Variants in SOX5 observed in about 807,000 individuals in gnomAD.
SOX5 encodes SRY-box transcription factor 5.
SOX5 carries 9 observed loss-of-function variants against 92.0 expected under a neutral mutation model. The observed-to-expected ratio is 0.10, with a 90% CI of 0.06 to 0.17. SOX5 has a LOEUF of 0.17. SOX5 is among the 10% of genes least tolerant of loss of function. The pLI, the probability that SOX5 is intolerant of heterozygous loss-of-function variation, is 1.00. For synonymous variants in SOX5, 344 were observed against 336.3 expected (o/e 1.02, Z -0.25); for missense variants, 642 against 944.5 (o/e 0.68, Z 4.20).
At chr12:23,765,926 A>T (rs2094711760) in intron 3 of SOX5, among the ~76,000 whole-genome samples, 1 of 152,112 alleles carries the variant, frequency 6.6e-6, no homozygotes, top group East Asian at 1.9e-4. Context: ...GTACCTTAGG[A>T]AACTCATCAT....
intron 1 of SOX5, among the ~76,000 whole-genome samples, chr12:23,926,481 A>G (rs1450497056): frequency 2.0e-5 from 3 of 152,196 alleles, no homozygotes; most frequent in East Asian, 3.9e-4. Flanking sequence ...TCCTGTGAGG[A>G]CACCTGAACT....
rs113978507 is a variant in SOX5, at chr12:24,493,467, A to T, written c.-251+68862T>A. 3.8e-3 allele frequency among the ~76,000 whole-genome samples: 585 copies of T among 152,354 alleles called. 4 individuals carry two copies. The highest frequency in any genetic ancestry group is 0.014 in the Middle Eastern group (4 of 294). ...TCATTAATTGTAATGTAATTCATGT[A>T]TTACAGTAATGTAAAATGTTAATAA... On this transcript the variant is annotated intron_variant, in intron 1 of 4. Coordinates refer to the SOX5 transcript ENST00000446891.
At chr12:24,183,822 G>A (rs1393540752) in intron 4 of SOX5, among the ~76,000 whole-genome samples, 2 of 152,100 alleles carry the variant, frequency 1.3e-5, no homozygotes, top group Non-Finnish European at 2.9e-5. Flanking sequence ...CTAACTATAT[G>A]AACTTAGCAA....
intron 4 of SOX5, among the ~76,000 whole-genome samples, chr12:24,018,748 G>T (rs2136649341): frequency 6.6e-6 from 1 of 152,170 alleles, no homozygotes; most frequent in East Asian, 1.9e-4. Flanking sequence ...AGTGAGCTGA[G>T]ATCACACCCA....
At chr12:24,400,606 C>A (rs1310723305) in intron 1 of SOX5, among the ~76,000 whole-genome samples, 2 of 152,156 alleles carry the variant, frequency 1.3e-5, no homozygotes, top group East Asian at 3.9e-4. Context: ...AAATTTAGAC[C>A]TACTAAGTCT....
intron 3 of SOX5, among the ~76,000 whole-genome samples, chr12:24,245,233 ATTTG>A (rs752279685): frequency 9.5e-6 from 1 of 105,026 alleles, no homozygotes; most frequent in East Asian, 2.5e-4. Context: ...GTTTGGAGAG[ATTTG>A]TGTGTGTGTG....
intron 6 of SOX5, among the ~76,000 whole-genome samples, chr12:23,689,384 A>T (rs1188615206): frequency 1.3e-5 from 2 of 152,132 alleles, no homozygotes; most frequent in Non-Finnish European, 1.5e-5. Context: ...TCTGTGACTC[A>T]GGGCTGCTGC....
intron 6 of SOX5, among the ~76,000 whole-genome samples, chr12:23,728,421 G>A (rs1444592175): frequency 6.6e-6 from 1 of 152,154 alleles, no homozygotes; most frequent in African/African-American, 2.4e-5. Flanking sequence ...GCTCTTGTAT[G>A]TGTGCAGGGT....
In SOX5 at chr12:24,442,919, C is replaced by T. The variant is rs188446869; in HGVS notation, c.-250-74280G>A. On this transcript the variant is annotated intron_variant, in intron 1 of 4. Transcript: ENST00000446891. Reference sequence around the variant, plus strand: ...ATTTCCCAAACTAAAGTAGTTACAACGTTTGAGCTTTGTAAATTTAAGTTT... The same window carrying T: ...ATTTCCCAAACTAAAGTAGTTACAATGTTTGAGCTTTGTAAATTTAAGTTT... 1.6e-4 allele frequency among the ~76,000 whole-genome samples: 24 copies of T among 151,110 alleles called. No homozygotes were observed. The East Asian group carries it at 1.7e-3, about 11-fold the overall frequency.
intron 1 of SOX5, among the ~76,000 whole-genome samples, chr12:24,369,566 T>C (rs11047402): frequency 0.025 from 3,744 of 152,338 alleles, 75 homozygotes; most frequent in East Asian, 0.05. Context: ...ACAGAAGCTC[T>C]GTCTCTGGTA....
chr12:23,720,528 T>C (rs1456613756), intron 6 of SOX5, among the ~76,000 whole-genome samples: 1 of 152,130 alleles, frequency 6.6e-6, no homozygotes, highest in Non-Finnish European at 1.5e-5. Flanking sequence ...ATTTGGTTAG[T>C]TCACAAATCC....
At chr12:24,224,811 G>T (rs1298285278) in intron 3 of SOX5, among the ~76,000 whole-genome samples, 9 of 152,086 alleles carry the variant, frequency 5.9e-5, no homozygotes, top group African/African-American at 2.2e-4. Context: ...TAAGTGCAAT[G>T]GTATGACTTA....
chr12:23,945,774 TCA>T (rs1468351357), intron 1 of SOX5, among the ~76,000 whole-genome samples: 2 of 152,172 alleles, frequency 1.3e-5, no homozygotes, highest in Non-Finnish European at 2.9e-5. Flanking sequence ...TTTCTGTGAT[TCA>T]CACCTAGAGT....
intron 1 of SOX5, among the ~76,000 whole-genome samples, chr12:24,553,861 T>A (rs996258001): frequency 6.6e-6 from 1 of 152,224 alleles, no homozygotes; most frequent in Non-Finnish European, 1.5e-5. Context: ...TGCTGATAGA[T>A]CTCTATCTGT....
intron 6 of SOX5, among the ~76,000 whole-genome samples, chr12:23,674,834 A>G (rs998657105): frequency 3.3e-5 from 5 of 151,806 alleles, no homozygotes; most frequent in African/African-American, 7.3e-5. Context: ...ATATACTACT[A>G]TATATTACTT....
chr12:24,385,417 G>A (rs1958278670), intron 1 of SOX5, among the ~76,000 whole-genome samples: 4 of 152,256 alleles, frequency 2.6e-5, no homozygotes, highest in South Asian at 4.1e-4. Context: ...TTTACTAAAC[G>A]CATTTTTGAC....
chr12:23,883,228 A>G (rs1425596925), intron 2 of SOX5, among the ~76,000 whole-genome samples: 1 of 152,116 alleles, frequency 6.6e-6, no homozygotes, highest in East Asian at 1.9e-4. Flanking sequence ...TTTTATCCCA[A>G]TAGAACCACA....
chr12:23,941,480 C>T (rs373762643), intron 1 of SOX5, among the ~76,000 whole-genome samples: 20 of 151,334 alleles, frequency 1.3e-4, no homozygotes, highest in African/African-American at 4.8e-4. Flanking sequence ...CCTTAGGGTC[C>T]TAAAAATAAT....
At chr12:24,556,967 G>T (rs891927122) in intron 1 of SOX5, among the ~76,000 whole-genome samples, 7 of 152,178 alleles carry the variant, frequency 4.6e-5, no homozygotes, top group African/African-American at 1.7e-4. Context: ...CTGGGAGAGA[G>T]AGCTGAGTGT....
Sources: gnomAD v4.1 joint callset for allele counts (sites outside exome capture counted in the v4.1 genomes callset) on GRCh38, gnomAD v4.1.1 for gene constraint, MANE v1.5 for transcripts, NCBI Gene and HGNC (gene_info 2026-07-23, HGNC 2026-07-21) for gene names.